The following BTBD9 variants were observed in gnomAD, a reference collection of about 807,000 sequenced individuals.
BTBD9 encodes BTB/POZ domain-containing protein 9.
BTBD9 carries 49 observed loss-of-function variants against 64.3 expected under a neutral mutation model. That is an observed-to-expected ratio of 0.76 (90% CI 0.61 to 0.97). The LOEUF (loss-of-function observed/expected upper bound fraction) is 0.97, where lower values mean the gene tolerates loss of function less well. BTBD9 is among the 50% of genes least tolerant of loss of function. BTBD9 has a pLI of 0.00. For synonymous variants in BTBD9, 260 were observed against 274.7 expected, an observed-to-expected ratio of 0.95 and a Z score of 0.53; for missense variants, 598 against 762.1, an observed-to-expected ratio of 0.78 and a Z score of 2.53.
At chr6:38,421,131 T>C (rs1320695747) in intron 6 of BTBD9, among the ~76,000 whole-genome samples, 3 of 151,824 alleles carry the variant, frequency 2.0e-5, no homozygotes, top group Non-Finnish European at 4.4e-5. Context: ...CCGAGGTGGA[T>C]CATTTGAGGT....
At chr6:38,187,300 G>C (rs1761859820) in intron 10 of BTBD9, among the ~76,000 whole-genome samples, 1 of 152,180 alleles carries the variant, frequency 6.6e-6, no homozygotes, top group South Asian at 2.1e-4. Context: ...ATTGAAGGCA[G>C]GTGAACGACC....
At chr6:38,266,855 T>C (rs985580401) in intron 8 of BTBD9, among the ~76,000 whole-genome samples, 1 of 152,122 alleles carries the variant, frequency 6.6e-6, no homozygotes, top group African/African-American at 2.4e-5. Context: ...CCTCAAATGG[T>C]CTTATGATAT....
chr6:38,292,507 T>G (rs1048632207), intron 7 of BTBD9, among the ~76,000 whole-genome samples: 2 of 152,204 alleles, frequency 1.3e-5, no homozygotes, highest in Non-Finnish European at 2.9e-5. Context: ...TTGTTATTGG[T>G]CTATTCAGGG....
chr6:38,524,473 T>C (rs978613562), intron 6 of BTBD9, among the ~76,000 whole-genome samples: 1 of 152,216 alleles, frequency 6.6e-6, no homozygotes, highest in African/African-American at 2.4e-5. Context: ...GTAGCAAGAA[T>C]TAAATCAATG....
Position 38,369,851 on chromosome 6 carries a change from T to C in BTBD9, c.1155-24758A>G, listed in dbSNP as rs566318287. 6.6e-5 allele frequency among the ~76,000 whole-genome samples: 10 copies of C among 152,340 alleles called. No homozygotes were observed. In the South Asian group the frequency reaches 1.9e-3, roughly 28 times the overall value. ...ATTCTAGCTAGTTGGTTGGTGTTTC[T>C]TGAATTGGGAAGTAATATAAATCTG... On this transcript the variant is annotated intron_variant, in intron 6 of 10. Transcript: ENST00000481247.
At chr6:38,481,885 T>C (rs1018140685) in intron 6 of BTBD9, 2 of 152,238 alleles carry the variant, frequency 1.3e-5, no homozygotes, top group Non-Finnish European at 2.9e-5. Context: ...GGATATAACT[T>C]ACAGTACGTC....
intron 6 of BTBD9, among the ~76,000 whole-genome samples, chr6:38,414,246 G>A (rs1462038405): frequency 6.6e-6 from 1 of 152,170 alleles, no homozygotes; most frequent in East Asian, 1.9e-4. Flanking sequence ...TTGATAATAT[G>A]TTGTAATATT....
chr6:38,288,148 A>G (rs193110865), intron 8 of BTBD9, 124 bp downstream of exon 8: 16 of 1,047,464 alleles, frequency 1.5e-5, no homozygotes, highest in Non-Finnish European at 2.2e-5. Flanking sequence ...TCCTTTCTTG[A>G]TACTTAGAGC....
chr6:38,527,490 G>A lies in BTBD9; in HGVS notation c.1154+50110C>T, dbSNP rs1195789385. Among the ~76,000 whole-genome samples, 5 of 152,024 alleles carry A rather than the reference G, an allele frequency of 3.3e-5. No individual in the cohort carries two copies. The East Asian group carries it at 5.8e-4, about 18-fold the overall frequency. ...CTCATGATAGTGAGTGAGTTCTCAC[G>A]AGAGGTGATCATTTTATAAGGCAGT... On this transcript the variant is annotated intron_variant, in intron 6 of 10. Transcript: ENST00000481247.
intron 7 of BTBD9, among the ~76,000 whole-genome samples, chr6:38,299,028 C>T (rs2127562090): frequency 6.6e-6 from 1 of 152,202 alleles, no homozygotes; most frequent in Non-Finnish European, 1.5e-5. Context: ...CACAACAATC[C>T]CCAGTGTGTG....
intron 6 of BTBD9, among the ~76,000 whole-genome samples, chr6:38,418,303 G>A (rs1767764660): frequency 6.6e-6 from 1 of 152,120 alleles, no homozygotes; most frequent in Non-Finnish European, 1.5e-5. Context: ...GCAGAAATTG[G>A]CCTAATTGTA....
intron 8 of BTBD9, among the ~76,000 whole-genome samples, chr6:38,276,062 C>A (rs574018413): frequency 1.3e-5 from 2 of 152,058 alleles, no homozygotes; most frequent in African/African-American, 4.8e-5. Context: ...ATGTTTATTG[C>A]GGCACTATTC....
chr6:38,511,500 G>A (rs901001900), intron 6 of BTBD9, among the ~76,000 whole-genome samples: 3 of 151,712 alleles, frequency 2.0e-5, no homozygotes, highest in African/African-American at 7.3e-5. Context: ...CTGCCACCAC[G>A]CCTGGCTAAT....
intron 2 of BTBD9, among the ~76,000 whole-genome samples, chr6:38,597,320 T>C (rs1240647974): frequency 1.3e-5 from 2 of 152,216 alleles, no homozygotes; most frequent in Non-Finnish European, 2.9e-5. Flanking sequence ...AAAGATCCAT[T>C]ATCATGCATA....
chr6:38,435,108 A>T (rs1381693711), intron 6 of BTBD9, among the ~76,000 whole-genome samples: 1 of 144,042 alleles, frequency 6.9e-6, no homozygotes, highest in Non-Finnish European at 1.5e-5. Context: ...GCAGGAGAAT[A>T]GCTTGAACCT....
intron 6 of BTBD9, among the ~76,000 whole-genome samples, chr6:38,467,133 A>C (rs1582477631): frequency 6.6e-6 from 1 of 152,214 alleles, no homozygotes; most frequent in East Asian, 1.9e-4. Context: ...TCCTGAATTA[A>C]AACAAACAAA....
Position 38,600,072 on chromosome 6 carries a change from A to G in BTBD9, c.-27-1951T>C, listed in dbSNP as rs75004461. Reference sequence around the variant, plus strand: ...GACCAAATTCAGCTTAAGAGGATCTATTTGAGAGTATGAGCAAGTAATGTG... The same window carrying G: ...GACCAAATTCAGCTTAAGAGGATCTGTTTGAGAGTATGAGCAAGTAATGTG... On this transcript the variant is annotated intron_variant, in intron 1 of 10. Coordinates refer to ENST00000481247, the MANE Select transcript of BTBD9 (RefSeq NM_001099272.2). Among the ~76,000 whole-genome samples, 252 of 152,338 alleles carry G rather than the reference A, an allele frequency of 1.7e-3. 1 individual carries two copies. The highest frequency in any genetic ancestry group is 5.9e-3 in the African/African-American group (246 of 41,584).
Position 38,174,870 on chromosome 6 carries a change from T to A in BTBD9, c.*115A>T. On this transcript the variant is annotated 3_prime_UTR_variant, in exon 11 of 11. Transcript: ENST00000481247. Reference sequence around the variant, plus strand: ...TGTCTGCTTTTGCAGCTAGGTCGGCTCCTCCCTGGAAAGGGGCAGAGGTGG... The same window carrying A: ...TGTCTGCTTTTGCAGCTAGGTCGGCACCTCCCTGGAAAGGGGCAGAGGTGG... 1 of 1,261,250 alleles carries A rather than the reference T, an allele frequency of 7.9e-7. No homozygotes were observed. Among genetic ancestry groups the A allele is most frequent in the Non-Finnish European group, 1.1e-6 (1 of 906,410 alleles). 78.1% of individuals were successfully genotyped at this position (1,261,250 alleles called of 1,614,324 possible).
intron 6 of BTBD9, among the ~76,000 whole-genome samples, chr6:38,492,245 G>T (rs1197046942): frequency 2.0e-5 from 3 of 152,196 alleles, no homozygotes; most frequent in Non-Finnish European, 4.4e-5. Flanking sequence ...TGCACCCTAA[G>T]TTTTTAAAGG....
Sources: gnomAD v4.1 joint callset for allele counts (sites outside exome capture counted in the v4.1 genomes callset) on GRCh38, gnomAD v4.1.1 for gene constraint, MANE v1.5 for transcripts, NCBI Gene and HGNC (gene_info 2026-07-23, HGNC 2026-07-21) for gene names.